The following ADGRL2 variants were observed in gnomAD, a reference collection of about 807,000 sequenced individuals.
ADGRL2 encodes the protein adhesion G protein-coupled receptor L2.
ADGRL2 carries 44 observed loss-of-function variants against 157.4 expected under a neutral mutation model. That is an observed-to-expected ratio of 0.28 (90% CI 0.22 to 0.36). The LOEUF is 0.36. Ranked by LOEUF, ADGRL2 falls within the 10% of genes least tolerant of loss-of-function variation. ADGRL2 has a pLI of 1.00. For synonymous variants in ADGRL2, 585 were observed against 624.7 expected, an observed-to-expected ratio of 0.94 and a Z score of 0.95; for missense variants, 1,510 against 1,768.9, an observed-to-expected ratio of 0.85 and a Z score of 2.63.
Position 81,990,679 on chromosome 1 carries a change from C to T in ADGRL2, c.3944C>T (p.Ala1315Val). The T allele has an allele frequency of 6.2e-7, 1 of 1,614,140 alleles. No individual in the cohort carries two copies. The highest frequency in any genetic ancestry group is 2.2e-5 in the East Asian group (1 of 44,866). Residue 1315 changes from alanine to valine, a missense_variant, in exon 24 of 24, where the codon GCT becomes GTT. Around this residue, in one of 4 missense-constraint regions of ADGRL2, gnomAD observed 327 missense variants for 310.1 expected, o/e 1.05. Transcript: ENST00000686636. ...GAAGATGATGCTATTGTGGCAGATG[C>T]TTCATCTTTAATGCACAGCGACAAC... ...SSEDDAIVADASSLMHSDNPG... is the reference protein window; with the variant it reads ...SSEDDAIVADVSSLMHSDNPG...
intron 2 of ADGRL2, among the ~76,000 whole-genome samples, chr1:81,458,663 G>A (rs1158342328): frequency 1.3e-5 from 2 of 152,234 alleles, no homozygotes; most frequent in Non-Finnish European, 2.9e-5. Flanking sequence ...ATGCCACAAA[G>A]TGGCTTCCAT....
At chr1:81,519,726 G>A (rs879218471) in intron 2 of ADGRL2, among the ~76,000 whole-genome samples, 2 of 152,086 alleles carry the variant, frequency 1.3e-5, no homozygotes. Flanking sequence ...CACAGATAAT[G>A]CCCCAAAGCC....
chr1:81,319,673 A>C (rs1396605404), intron 1 of ADGRL2, among the ~76,000 whole-genome samples: 3 of 152,214 alleles, frequency 2.0e-5, no homozygotes, highest in Admixed American at 6.5e-5. Context: ...AATTATCATG[A>C]GTTTGTATTG....
chr1:81,390,765 T>G (rs1030099546), intron 1 of ADGRL2, among the ~76,000 whole-genome samples: 9 of 152,300 alleles, frequency 5.9e-5, no homozygotes, highest in Non-Finnish European at 1.3e-4. Flanking sequence ...TCTTCTTTTT[T>G]GGTACTGCAA....
chr1:81,322,107 T>TATATATATATAC (rs1660551244), intron 1 of ADGRL2, among the ~76,000 whole-genome samples: 1 of 119,612 alleles, frequency 8.4e-6, no homozygotes, highest in African/African-American at 2.9e-5. Flanking sequence ...TATATATATA[T>TATATATATATAC]ATACACATAT....
intron 3 of ADGRL2, among the ~76,000 whole-genome samples, chr1:81,626,690 C>T (rs1034011714): frequency 2.6e-5 from 4 of 152,336 alleles, no homozygotes; most frequent in Non-Finnish European, 5.9e-5. Flanking sequence ...ACAGAGTCAA[C>T]TGGCCAGGGC....
chr1:81,597,719 T>C (rs184513519), intron 3 of ADGRL2, among the ~76,000 whole-genome samples: 101 of 152,316 alleles, frequency 6.6e-4, no homozygotes, highest in African/African-American at 2.3e-3. Flanking sequence ...GAAAATATTA[T>C]AAGTCAGAAA....
chr1:81,317,973 A>C (rs772049034), intron 1 of ADGRL2, among the ~76,000 whole-genome samples: 1 of 152,170 alleles, frequency 6.6e-6, no homozygotes, highest in South Asian at 2.1e-4. Context: ...TCATAAATGC[A>C]TACACATAAC....
intron 2 of ADGRL2, among the ~76,000 whole-genome samples, chr1:81,485,914 A>G (rs2078490290): frequency 6.6e-6 from 1 of 152,172 alleles, no homozygotes; most frequent in Non-Finnish European, 1.5e-5. Context: ...CCTCCACAAG[A>G]TCAGACATCT....
chr1:81,612,244 G>A (rs1398090735), intron 3 of ADGRL2, among the ~76,000 whole-genome samples: 3 of 152,100 alleles, frequency 2.0e-5, no homozygotes, highest in African/African-American at 7.2e-5. Flanking sequence ...GTTTGTAGGT[G>A]AGAAAATGGA....
At chr1:81,984,418 A>G in intron 19 of ADGRL2, 165 bp from the exon 20 acceptor site, 1 of 603,130 alleles carries the variant, frequency 1.7e-6, no homozygotes, top group African/African-American at 1.9e-5. Flanking sequence ...TTACTATTTC[A>G]GTAATTTTAA....
At chr1:81,582,806 G>T (rs899763718) in intron 3 of ADGRL2, among the ~76,000 whole-genome samples, 4 of 152,112 alleles carry the variant, frequency 2.6e-5, no homozygotes, top group African/African-American at 9.7e-5. Context: ...TATTTATAGT[G>T]TGCTTTCAAA....
intron 1 of ADGRL2, among the ~76,000 whole-genome samples, chr1:81,357,530 T>C (rs1663405070): frequency 6.6e-6 from 1 of 152,144 alleles, no homozygotes; most frequent in African/African-American, 2.4e-5. Context: ...TACTTTTTTG[T>C]AGTGTGATAT....
chr1:81,538,361 C>T (rs922292657), intron 2 of ADGRL2, among the ~76,000 whole-genome samples: 2 of 152,194 alleles, frequency 1.3e-5, no homozygotes, highest in Admixed American at 6.5e-5. Context: ...CCATCTTCAA[C>T]TGTGGCTTTC....
At chr1:81,406,536 G>C (rs2076856381) in intron 1 of ADGRL2, among the ~76,000 whole-genome samples, 1 of 152,186 alleles carries the variant, frequency 6.6e-6, no homozygotes, top group Non-Finnish European at 1.5e-5. Flanking sequence ...AATACAGCTA[G>C]GGTCAGAGAA....
chr1:81,737,695 T>C (rs911521742), intron 1 of ADGRL2, among the ~76,000 whole-genome samples: 1 of 152,200 alleles, frequency 6.6e-6, no homozygotes, highest in Non-Finnish European at 1.5e-5. Context: ...TTCTATCACC[T>C]CAAGAGCCTA....
At chr1:81,642,323 G>A (rs1344138604) in intron 3 of ADGRL2, among the ~76,000 whole-genome samples, 1 of 150,444 alleles carries the variant, frequency 6.6e-6, no homozygotes, top group Non-Finnish European at 1.5e-5. Flanking sequence ...GGGAGAATGA[G>A]GCAGGAAAAT....
At chr1:81,444,328 C>T (rs1458010662) in intron 1 of ADGRL2, among the ~76,000 whole-genome samples, 1 of 152,148 alleles carries the variant, frequency 6.6e-6, no homozygotes, top group Non-Finnish European at 1.5e-5. Flanking sequence ...TAATATATGG[C>T]CACTTCAGAT....
intron 1 of ADGRL2, among the ~76,000 whole-genome samples, chr1:81,744,972 T>C (rs2149238931): frequency 6.6e-6 from 1 of 152,276 alleles, no homozygotes; most frequent in South Asian, 2.1e-4. Context: ...GGAAATAATT[T>C]GATAACAAAC....
Sources: gnomAD v4.1 joint callset for allele counts (sites outside exome capture counted in the v4.1 genomes callset) on GRCh38, gnomAD v4.1.1 for gene constraint, gnomAD v4.1.1 regional missense constraint, MANE v1.5 for transcripts, NCBI Gene and HGNC (gene_info 2026-07-23, HGNC 2026-07-21) for gene names.